The following PDE10A variants were observed in gnomAD, a reference collection of about 807,000 sequenced individuals.
PDE10A encodes cAMP and cAMP-inhibited cGMP 3',5'-cyclic phosphodiesterase 10A.
A neutral mutation model predicts 97.7 loss-of-function variants in PDE10A; 39 were observed. The ratio of observed to expected loss-of-function variants is 0.40; its 90% confidence interval spans 0.31 to 0.52. PDE10A has a LOEUF of 0.52. Among genes scored for constraint, PDE10A ranks in the 20% least tolerant of loss-of-function variants. The pLI is 0.56. For missense variants in PDE10A, 731 were observed against 1,047.8 expected, an observed-to-expected ratio of 0.70 and a Z score of 4.17; for synonymous variants, 371 against 376.8, an observed-to-expected ratio of 0.98 and a Z score of 0.18.
At chr6:165,926,725 G>T (rs1164998772) in intron 1 of PDE10A, among the ~76,000 whole-genome samples, 15 of 152,100 alleles carry the variant, frequency 9.9e-5, no homozygotes, top group Admixed American at 9.8e-4. Context: ...TGTCAGACAG[G>T]CTGGGCTCCA....
At chr6:165,364,909 C>T (rs1783668645) in intron 18 of PDE10A, among the ~76,000 whole-genome samples, 1 of 151,844 alleles carries the variant, frequency 6.6e-6, no homozygotes, top group Admixed American at 6.6e-5. Context: ...AATCTAAAAA[C>T]TAAGGAAAAG....
At chr6:165,702,307 TACTG>T (rs1791599804) in intron 1 of PDE10A, among the ~76,000 whole-genome samples, 1 of 152,200 alleles carries the variant, frequency 6.6e-6, no homozygotes, top group Admixed American at 6.5e-5. Context: ...TTCCTTCTCA[TACTG>T]ACCGCTGTAA....
At chr6:165,560,241 G>A (rs925986564) in intron 1 of PDE10A, among the ~76,000 whole-genome samples, 1 of 152,214 alleles carries the variant, frequency 6.6e-6, no homozygotes, top group Non-Finnish European at 1.5e-5. Context: ...AAGACTCATT[G>A]CTGGCTTGAA....
Position 165,881,817 on chromosome 6 carries a change from G to A in PDE10A, c.-615+105712C>T, listed in dbSNP as rs570380606. 6.6e-5 allele frequency among the ~76,000 whole-genome samples: 10 copies of A among 152,134 alleles called. No homozygotes were observed. In the South Asian group the frequency reaches 2.1e-3, roughly 32 times the overall value. On this transcript the variant is annotated intron_variant, in intron 1 of 19. Transcript: ENST00000366882. Reference sequence around the variant, plus strand: ...TAAGTGGATTATTTCTTCTCACTCCGACAATTCAACTGCCCCCTCCATCAT... The same window carrying A: ...TAAGTGGATTATTTCTTCTCACTCCAACAATTCAACTGCCCCCTCCATCAT...
chr6:165,421,693 T>G (rs1367196117), intron 10 of PDE10A, among the ~76,000 whole-genome samples: 5 of 152,306 alleles, frequency 3.3e-5, no homozygotes, highest in Middle Eastern at 3.4e-3. Context: ...TTTGAAGAGA[T>G]AAAATTTTTC....
At position 165,663,138 on chromosome 6, in the gene PDE10A, C is replaced by CCGGCGGCTGAGCCT. The variant is rs1235420409; in HGVS notation, c.-341_-328dup. On this transcript the variant is annotated 5_prime_UTR_variant, in exon 1 of 22. Coordinates refer to ENST00000539869, the MANE Select transcript of PDE10A (RefSeq NM_001385079.1). The stretch of plus-strand genomic sequence containing the variant: ...AGGCGTGGCGTGGTGTGTGCGCGCT[C>CCGGCGGCTGAGCCT]CGGCGGCTGAGCCTCGGCGGCTTCT... 6.6e-6 allele frequency among the ~76,000 whole-genome samples: 1 copy of CCGGCGGCTGAGCCT among 151,918 alleles called. No individual in the cohort carries two copies. Among genetic ancestry groups the CCGGCGGCTGAGCCT allele is most frequent in the East Asian group, 2.0e-4 (1 of 5,088 alleles).
chr6:165,347,147 G>A (rs927881661), intron 18 of PDE10A, among the ~76,000 whole-genome samples: 2 of 150,666 alleles, frequency 1.3e-5, no homozygotes, highest in Non-Finnish European at 3.0e-5. Context: ...TTAAATCATT[G>A]GGTTGAGTAA....
chr6:165,928,752 CT>C, intron 1 of PDE10A, among the ~76,000 whole-genome samples: 1 of 152,288 alleles, frequency 6.6e-6, no homozygotes, highest in South Asian at 2.1e-4. Context: ...TTAGTGCCTC[CT>C]GAGTGCTGGG....
At chr6:165,439,310 T>A (rs1274820264) in intron 5 of PDE10A, among the ~76,000 whole-genome samples, 1 of 152,180 alleles carries the variant, frequency 6.6e-6, no homozygotes, top group African/African-American at 2.4e-5. Context: ...TCTACTACTG[T>A]ATAAATATAT....
intron 1 of PDE10A, among the ~76,000 whole-genome samples, chr6:165,797,903 T>C (rs541151002): frequency 6.6e-5 from 10 of 152,310 alleles, no homozygotes; most frequent in Admixed American, 3.3e-4. Flanking sequence ...GTTGTTTTGT[T>C]TTCTCTACTT....
chr6:165,753,164 T>G (rs1793046091), intron 1 of PDE10A, among the ~76,000 whole-genome samples: 1 of 152,242 alleles, frequency 6.6e-6, no homozygotes, highest in African/African-American at 2.4e-5. Context: ...ATATTTTTAA[T>G]GATACCTGAA....
At chr6:165,356,599 C>T (rs948960340) in intron 18 of PDE10A, among the ~76,000 whole-genome samples, 1 of 151,970 alleles carries the variant, frequency 6.6e-6, no homozygotes, top group South Asian at 2.1e-4. Flanking sequence ...TTTGTGCCTA[C>T]CCTAAGGTCA....
intron 1 of PDE10A, among the ~76,000 whole-genome samples, chr6:165,927,409 T>C (rs1782970457): frequency 6.6e-6 from 1 of 151,970 alleles, no homozygotes; most frequent in Non-Finnish European, 1.5e-5. Context: ...ATTTTATTGA[T>C]ATGGAAAGAT....
At chr6:165,478,743 T>C (rs1258859963) in intron 3 of PDE10A, among the ~76,000 whole-genome samples, 1 of 152,220 alleles carries the variant, frequency 6.6e-6, no homozygotes, top group Non-Finnish European at 1.5e-5. Flanking sequence ...GGTAGCTGTC[T>C]GGTCTGATAA....
chr6:165,871,468 G>A (rs1418847610), intron 1 of PDE10A, among the ~76,000 whole-genome samples: 1 of 152,166 alleles, frequency 6.6e-6, no homozygotes, highest in Non-Finnish European at 1.5e-5. Flanking sequence ...ACAGGAGAGA[G>A]GATTGCATGG....
rs780904008 is a variant in PDE10A, at chr6:165,339,266, A to G, written c.2976+12T>C. 8.0e-6 allele frequency: 12 copies of G among 1,507,246 alleles called. No homozygotes were observed. Among genetic ancestry groups the G allele is most frequent in the Non-Finnish European group, 5.5e-6 (6 of 1,083,440 alleles). The allele number at this position is 1,507,246 out of a possible 1,614,324, so 93.4% of individuals were successfully genotyped here. On this transcript the variant is annotated intron_variant, in intron 20 of 21. Transcript: ENST00000539869. Reference sequence around the variant, plus strand: ...GGCTTTAGCAATTACAATTTACTTTAATAATTCATACCTGGCCTTGGGGGA... The same window carrying G: ...GGCTTTAGCAATTACAATTTACTTTGATAATTCATACCTGGCCTTGGGGGA...
intron 2 of PDE10A, among the ~76,000 whole-genome samples, chr6:165,525,760 T>G (rs1355389693): frequency 6.6e-6 from 1 of 152,056 alleles, no homozygotes; most frequent in Non-Finnish European, 1.5e-5. Context: ...AAAGGCAAAG[T>G]GGGTGTAGAT....
At chr6:165,976,846 G>A (rs1296815798) in intron 1 of PDE10A, among the ~76,000 whole-genome samples, 2 of 152,120 alleles carry the variant, frequency 1.3e-5, no homozygotes, top group Non-Finnish European at 2.9e-5. Context: ...GCCCTCCTCG[G>A]GCTGTGCGCC....
chr6:165,377,287 GA>G (rs1048946594), intron 18 of PDE10A, among the ~76,000 whole-genome samples: 1 of 151,852 alleles, frequency 6.6e-6, no homozygotes, highest in African/African-American at 2.4e-5. Context: ...CCCTACCTTT[GA>G]AAAATCATAG....
Sources: gnomAD v4.1 joint callset for allele counts (sites outside exome capture counted in the v4.1 genomes callset) on GRCh38, gnomAD v4.1.1 for gene constraint, MANE v1.5 for transcripts, NCBI Gene and HGNC (gene_info 2026-07-23, HGNC 2026-07-21) for gene names.